DENND1A: variants seen among roughly 807,000 people sequenced by gnomAD.
DENND1A encodes the protein DENN domain-containing protein 1A.
DENND1A carries 51 observed loss-of-function variants against 113.7 expected under a neutral mutation model. That is an observed-to-expected ratio of 0.45 (90% CI 0.36 to 0.57). The LOEUF (loss-of-function observed/expected upper bound fraction) is 0.57. Ranked by LOEUF, DENND1A falls within the 20% of genes least tolerant of loss-of-function variation. The probability of loss-of-function intolerance (pLI) is 0.00; values close to 1 mark genes in which losing one functional copy is unlikely to be tolerated. For synonymous variants in DENND1A, 565 were observed against 570.8 expected (o/e 0.99, Z 0.14); for missense variants, 1,258 against 1,395.9 (o/e 0.90, Z 1.57).
intron 18 of DENND1A, 60 bp from the exon 19 acceptor site, chr9:123,440,551 C>T (rs2046854728): frequency 1.3e-6 from 2 of 1,494,116 alleles, no homozygotes; most frequent in Non-Finnish European, 1.8e-6. Context: ...TGTTCCCTCT[C>T]ACCCCACAAC....
chr9:123,838,264 ATAAT>A (rs1841327396), intron 2 of DENND1A, among the ~76,000 whole-genome samples: 1 of 152,216 alleles, frequency 6.6e-6, no homozygotes, highest in Admixed American at 6.5e-5. Flanking sequence ...AATGAGGACA[ATAAT>A]TAATCTCTTA....
chr9:123,381,872 GC>G lies in DENND1A; in HGVS notation c.2772del (p.Pro925ArgfsTer79). 1 of 1,190,924 alleles carries G rather than the reference GC, an allele frequency of 8.4e-7. No individual in the cohort carries two copies. The highest frequency in any genetic ancestry group is 1.1e-6 in the Non-Finnish European group (1 of 937,980). The allele number at this position is 1,190,924 out of a possible 1,614,324, so 73.8% of individuals were successfully genotyped here. On this transcript the variant is annotated frameshift_variant, in exon 24 of 24. Transcript: ENST00000394215. LOFTEE classifies it high-confidence loss of function. The surrounding 1 kb of genome is among the most constrained non-coding windows in gnomAD (Gnocchi z 4.7). ...GPFGAPPASL[G>X]PAFASGLLLS... ...AGCAGGAGGCCGGACGCAAAAGCCG[GC>G]CCCAGGGAAGCTGGAGGGGCCCCGA... is the stretch of plus-strand genomic sequence containing the variant.
chr9:123,783,804 C>G (rs1390360621), intron 3 of DENND1A, among the ~76,000 whole-genome samples: 1 of 152,190 alleles, frequency 6.6e-6, no homozygotes, highest in South Asian at 2.1e-4. Flanking sequence ...CACTGAGCCC[C>G]CAATCTGTCC....
chr9:123,831,835 G>A (rs1285367968), intron 2 of DENND1A, among the ~76,000 whole-genome samples: 1 of 152,034 alleles, frequency 6.6e-6, no homozygotes, highest in Admixed American at 6.6e-5. Flanking sequence ...GTACAAAAAT[G>A]AGACAGGCAT....
intron 19 of DENND1A, 180 bp downstream of exon 19, chr9:123,440,180 G>T: frequency 1.2e-6 from 1 of 812,066 alleles, no homozygotes; most frequent in Non-Finnish European, 1.8e-6. Flanking sequence ...CAAAATTTTT[G>T]AAAATTTGCC....
At chr9:123,920,275 C>T (rs1287728504) in intron 1 of DENND1A, among the ~76,000 whole-genome samples, 12 of 152,028 alleles carry the variant, frequency 7.9e-5, no homozygotes, top group East Asian at 1.9e-4. Context: ...ACTAAAAGTA[C>T]GAAAAATTAG....
At chr9:123,860,823 C>G (rs1057308354) in intron 2 of DENND1A, among the ~76,000 whole-genome samples, 2 of 152,216 alleles carry the variant, frequency 1.3e-5, no homozygotes, top group African/African-American at 4.8e-5. Context: ...TAGAGTTTCT[C>G]ATAATGCACT....
intron 13 of DENND1A, chr9:123,461,962 G>C (rs1233929365): frequency 1.3e-5 from 2 of 152,306 alleles, no homozygotes; most frequent in African/African-American, 4.8e-5. Flanking sequence ...GTCCAAAGAG[G>C]AAACGGCAAA....
intron 19 of DENND1A, among the ~76,000 whole-genome samples, chr9:123,435,604 AG>A (rs1462129131): frequency 8.5e-5 from 13 of 152,248 alleles, no homozygotes; most frequent in Admixed American, 8.5e-4. Context: ...CTTTGTTTGC[AG>A]ATCAGTCATT....
intron 12 of DENND1A, among the ~76,000 whole-genome samples, chr9:123,563,444 T>G (rs758954079): frequency 2.0e-5 from 3 of 152,214 alleles, no homozygotes; most frequent in Non-Finnish European, 2.9e-5. Context: ...CTGGCTTCCC[T>G]ACTTTCTTAA....
At chr9:123,437,837 T>C (rs1253611576) in intron 19 of DENND1A, 3 of 152,114 alleles carry the variant, frequency 2.0e-5, no homozygotes, top group African/African-American at 7.2e-5. Context: ...AGGAGTCTGT[T>C]GGTTTCCAAA....
chr9:123,417,004 A>G (rs143877357), intron 19 of DENND1A, among the ~76,000 whole-genome samples: 202 of 152,390 alleles, frequency 1.3e-3, no homozygotes, highest in African/African-American at 4.6e-3. Flanking sequence ...TTAGAAACCC[A>G]TGGGTTCACG....
intron 2 of DENND1A, among the ~76,000 whole-genome samples, chr9:123,809,145 C>A (rs1836115313): frequency 6.6e-6 from 1 of 152,198 alleles, no homozygotes; most frequent in Non-Finnish European, 1.5e-5. Flanking sequence ...TTTCTATTAT[C>A]TTCAGCTGGA....
chr9:123,420,865 G>A (rs968900837), intron 19 of DENND1A, among the ~76,000 whole-genome samples: 1 of 150,556 alleles, frequency 6.6e-6, no homozygotes, highest in African/African-American at 2.5e-5. Flanking sequence ...GGCGGGGGAG[G>A]GAGGAGGGCC....
intron 5 of DENND1A, among the ~76,000 whole-genome samples, chr9:123,737,020 T>C (rs993529241): frequency 6.6e-6 from 1 of 152,214 alleles, no homozygotes; most frequent in Non-Finnish European, 1.5e-5. Context: ...TTATTCGGTA[T>C]TTTTTAAGAC....
chr9:123,708,096 T>C (rs144866165), intron 5 of DENND1A, among the ~76,000 whole-genome samples: 2 of 152,192 alleles, frequency 1.3e-5, no homozygotes, highest in East Asian at 3.9e-4. Context: ...GATTGCAGAA[T>C]TTCTTCTCTG....
At chr9:123,703,670 T>A (rs2066010680) in intron 5 of DENND1A, among the ~76,000 whole-genome samples, 1 of 152,012 alleles carries the variant, frequency 6.6e-6, no homozygotes, top group African/African-American at 2.4e-5. Flanking sequence ...TGAATGAATC[T>A]CAAAAATGCT....
intron 4 of DENND1A, 100 bp from the exon 5 acceptor site, chr9:123,757,922 CT>C (rs1404929867): frequency 9.7e-6 from 13 of 1,343,408 alleles, no homozygotes; most frequent in Non-Finnish European, 1.3e-5. Flanking sequence ...CATTTCCTCT[CT>C]CAGTGGAACT....
intron 13 of DENND1A, among the ~76,000 whole-genome samples, chr9:123,522,888 A>G (rs921044767): frequency 6.6e-5 from 10 of 152,220 alleles, no homozygotes; most frequent in Admixed American, 3.3e-4. Flanking sequence ...TTTGCTTTTG[A>G]TAAGTGGCAG....
Sources: allele counts gnomAD v4.1 joint callset (sites outside exome capture counted in the v4.1 genomes callset), GRCh38; gene constraint gnomAD v4.1.1; non-coding constraint Gnocchi (gnomAD v3.1); transcripts MANE v1.5; gene names NCBI Gene and HGNC (gene_info 2026-07-23, HGNC 2026-07-21).